EGFL7: variants seen among roughly 807,000 people sequenced by gnomAD.
EGFL7 encodes the protein epidermal growth factor-like protein 7.
EGFL7 carries 48 observed loss-of-function variants against 37.1 expected under a neutral mutation model. That is an observed-to-expected ratio of 1.29 (90% CI 1.03 to 1.65). The LOEUF (loss-of-function observed/expected upper bound fraction) is 1.65. Ranked by LOEUF, EGFL7 falls within the 40% of genes most tolerant of loss-of-function variation. The pLI, the probability that EGFL7 is intolerant of heterozygous loss-of-function variation, is 0.00. For synonymous variants in EGFL7, 180 were observed against 156.8 expected, an observed-to-expected ratio of 1.15 and a Z score of -1.10; for missense variants, 384 against 378.9, an observed-to-expected ratio of 1.01 and a Z score of -0.11.
Position 136,671,018 on chromosome 9 carries a change from A to T in EGFL7, c.636+4A>T, listed in dbSNP as rs1588248538. 8 of 340,314 alleles carry T rather than the reference A, an allele frequency of 2.4e-5. No homozygotes were observed. Among genetic ancestry groups the T allele is most frequent in the African/African-American group, 1.0e-4 (1 of 9,568 alleles). The allele number at this position is 340,314 out of a possible 1,614,324, so 21.1% of individuals were successfully genotyped here. On this transcript the variant is annotated splice_donor_region_variant and intron_variant, in intron 9 of 10. Coordinates refer to ENST00000308874, the MANE Select transcript of EGFL7 (RefSeq NM_016215.5). ...CAGGGTGGACCTGCTGGAGGAGGTG[A>T]GGCATTGGTGGGGGGGGGGGGGGGC...
chr9:136,670,828 G>T, intron 8 of EGFL7, 122 bp from the exon 9 acceptor site: 1 of 933,690 alleles, frequency 1.1e-6, no homozygotes, highest in Non-Finnish European at 1.7e-6. Flanking sequence ...GGCAGGCAGC[G>T]GGGGCGGCAG....
rs1845240761 is a variant in EGFL7 at position 136,663,010 on chromosome 9, GCCAGTGGGCCTGAGGCC to G, written c.-446_-430del. 1 of 152,408 alleles carries G rather than the reference GCCAGTGGGCCTGAGGCC, an allele frequency of 6.6e-6. No individual in the cohort carries two copies. The highest frequency in any genetic ancestry group is 1.5e-5 in the Non-Finnish European group (1 of 68,156). 9.4% of individuals were successfully genotyped at this position (152,408 alleles called of 1,614,324 possible). The stretch of plus-strand genomic sequence containing the variant: ...GGGCCTCAGGAGGTGCCTCCAGGCG[GCCAGTGGGCCTGAGGCC>G]CCAGCAAGGGCTAGGGTCCATCTCC... On this transcript the variant is annotated 5_prime_UTR_variant, in exon 1 of 11. Transcript: ENST00000308874.
rs1845278738 is a variant in EGFL7, at chr9:136,663,578, A to G, written c.-182A>G. ...GGGGAACTGGCCCCGAGGGAGAGGA[A>G]CCCCAAAGCCACATCTGTAGCCAGG... On this transcript the variant is annotated 5_prime_UTR_variant, in exon 2 of 11. Transcript: ENST00000308874. The G allele has an allele frequency of 2.0e-5, 3 of 152,144 alleles. No individual in the cohort carries two copies. Among genetic ancestry groups the G allele is most frequent in the Admixed American group, 2.0e-4 (3 of 15,280 alleles). 9.4% of individuals were successfully genotyped at this position (152,144 alleles called of 1,614,324 possible). A position where few individuals can be genotyped will look rare whatever the true frequency, so the allele number is the denominator to read the frequency against.
chr9:136,669,987 G>A lies in EGFL7; in HGVS notation c.387G>A (p.Trp129Ter), dbSNP rs1456081423. ...QPGRCRCPAGWRGDTCQSDVD... is the reference protein window; with the variant it reads ...QPGRCRCPAG ...GCCGCTGCCGCTGCCCTGCAGGATG[G>A]CGGGGTGACACTTGCCAGTCAGGTG... Residue 129 changes from tryptophan (W) to a stop codon, truncating the protein, a stop_gained, in exon 7 of 11, where the codon TGG becomes TGA. Coordinates refer to ENST00000308874, the MANE Select transcript of EGFL7 (RefSeq NM_016215.5). LOFTEE classifies it high-confidence loss of function. 2 of 1,600,844 alleles carry A rather than the reference G, an allele frequency of 1.2e-6. No homozygotes were observed. Among genetic ancestry groups the A allele is most frequent in the East Asian group, 4.5e-5 (2 of 44,608 alleles).
At chr9:136,670,878 G>A (rs1845809926) in intron 8 of EGFL7, 72 bp from the exon 9 acceptor site, 5 of 1,408,736 alleles carry the variant, frequency 3.5e-6, no homozygotes, top group Non-Finnish European at 3.9e-6. Flanking sequence ...CTCTCCCTGG[G>A]GACAGGAGGG....
intron 3 of EGFL7, among the ~76,000 whole-genome samples, chr9:136,667,973 T>C (rs904129433): frequency 6.6e-6 from 1 of 152,140 alleles, no homozygotes; most frequent in African/African-American, 2.4e-5. Context: ...CCCAGCAGGA[T>C]CCACTCGATT....
intron 4 of EGFL7, 34 bp downstream of exon 4, chr9:136,668,396 G>A (rs113681795): frequency 2.6e-6 from 4 of 1,545,394 alleles, no homozygotes; most frequent in Middle Eastern, 1.8e-4. Flanking sequence ...GTGCTGGGGT[G>A]GGGGGACCGG....
chr9:136,658,966 C>G (rs932503297), upstream of EGFL7: 5 of 151,106 alleles, frequency 3.3e-5, no homozygotes, highest in African/African-American at 1.2e-4. Flanking sequence ...CGGGAGCGGC[C>G]AGGGGAAGGG....
At chr9:136,665,316 C>T (rs550653025) in intron 3 of EGFL7, among the ~76,000 whole-genome samples, 112 of 152,352 alleles carry the variant, frequency 7.4e-4, no homozygotes, top group African/African-American at 2.6e-3. Flanking sequence ...ATGCCCACTG[C>T]CTGCGAGGCT....
rs771363151 is a variant in EGFL7, at chr9:136,668,360, C to G, written c.78C>G (p.Pro26=). 1 of 1,596,046 alleles carries G rather than the reference C, an allele frequency of 6.3e-7. No homozygotes were observed. The highest frequency in any genetic ancestry group is 2.2e-5 in the East Asian group (1 of 44,602). ...AVGGTEHAYR[P]GRRVCAVRAH... is the part of the protein sequence containing the mutation. ...GCGGCACAGAGCACGCCTACCGGCC[C>G]GGGTGAGCCAAGCCCTAGCCTGGGA... Residue 26 remains proline, a splice_region_variant and synonymous_variant, in exon 4 of 11, where the codon CCC becomes CCG. Coordinates refer to ENST00000308874, the MANE Select transcript of EGFL7 (RefSeq NM_016215.5).
rs772643971 is a variant in EGFL7, at chr9:136,671,963, C to T, written c.674C>T (p.Ala225Val). The T allele has an allele frequency of 9.1e-6, 14 of 1,536,740 alleles. No homozygotes were observed. Among genetic ancestry groups the T allele is most frequent in the Middle Eastern group, 2.1e-4 (1 of 4,734 alleles). The change falls in exon 10 of 11, where the codon GCC becomes GTC. Residue 225 changes from alanine to valine, a missense_variant. By Grantham distance (64) the Ala-to-Val change is moderately conservative (BLOSUM62 0). Coordinates refer to ENST00000308874, the MANE Select transcript of EGFL7 (RefSeq NM_016215.5). ...GTGCTGGCCCCACTGCACAGCCTGG[C>T]CTCGCAGGCACTGGAGCATGGGCTC... ...QLVLAPLHSL[A>V]SQALEHGLPD...
At chr9:136,668,153 TG>T in intron 3 of EGFL7, 87 bp from the exon 4 acceptor site, 2 of 720,860 alleles carry the variant, frequency 2.8e-6, no homozygotes, top group Non-Finnish European at 2.3e-6. Context: ...GGAGATGAGC[TG>T]GGCAGGCCTC....
intron 5 of EGFL7, among the ~76,000 whole-genome samples, chr9:136,669,146 C>G (rs1202384534): frequency 1.3e-5 from 2 of 152,192 alleles, no homozygotes; most frequent in Non-Finnish European, 1.5e-5. Context: ...GGCACACACC[C>G]CTAAGTCTCA....
intron 5 of EGFL7, among the ~76,000 whole-genome samples, chr9:136,669,081 C>T (rs539721578): frequency 6.6e-5 from 10 of 152,318 alleles, no homozygotes; most frequent in African/African-American, 1.7e-4. Flanking sequence ...CTCCACATGA[C>T]GGCCCCCAGT....
At chr9:136,662,171 C>T (rs1845189421), upstream of EGFL7, among the ~76,000 whole-genome samples, 2 of 152,212 alleles carry the variant, frequency 1.3e-5, no homozygotes, top group Non-Finnish European at 2.9e-5. Flanking sequence ...ACACCCCCGG[C>T]CGCAGCCTGC....
intron 3 of EGFL7, among the ~76,000 whole-genome samples, 200 bp from the exon 4 acceptor site, chr9:136,668,041 A>G (rs1845586663): frequency 6.6e-6 from 1 of 152,140 alleles, no homozygotes; most frequent in Non-Finnish European, 1.5e-5. Flanking sequence ...CTGTGGCCCC[A>G]GCTGTTTGTG....
rs201787878 is a variant in EGFL7, at chr9:136,672,324, C to T, written c.*38C>T. Reference sequence around the variant, plus strand: ...CCAGGCTGGACTGAGCCCCTCACGCCGCCCTGCAGCCCCCATGCCCCTGCC... The same window carrying T: ...CCAGGCTGGACTGAGCCCCTCACGCTGCCCTGCAGCCCCCATGCCCCTGCC... On this transcript the variant is annotated 3_prime_UTR_variant, in exon 11 of 11. Transcript: ENST00000308874. The T allele has an allele frequency of 5.3e-5, 86 of 1,612,682 alleles. No homozygotes were observed. Among genetic ancestry groups the T allele is most frequent in the East Asian group, 1.6e-4 (7 of 44,892 alleles).
In EGFL7 at chr9:136,669,678, C is replaced by T. The variant is rs753178651; in HGVS notation, c.270C>T (p.Pro90=). ...CCAGGCCTCGCTACGCGTGCTGCCC[C>T]GGCTGGAAGAGGACCAGCGGGCTTC... The part of the protein sequence containing the change: ...APARPRYACC[P]GWKRTSGLPG... Residue 90 remains proline (P), a synonymous_variant, in exon 6 of 11, where the codon CCC becomes CCT. Transcript: ENST00000308874. 7.3e-5 allele frequency: 117 copies of T among 1,608,008 alleles called. No homozygotes were observed. The highest frequency in any genetic ancestry group is 1.7e-4 in the South Asian group (15 of 89,926).
upstream of EGFL7, among the ~76,000 whole-genome samples, chr9:136,662,746 G>A (rs1845223758): frequency 6.6e-6 from 1 of 152,050 alleles, no homozygotes; most frequent in African/African-American, 2.4e-5. Context: ...TGGGCAGTTT[G>A]TCCAGGCCCC....
Sources: gnomAD v4.1 joint callset for allele counts (sites outside exome capture counted in the v4.1 genomes callset) on GRCh38, gnomAD v4.1.1 for gene constraint, MANE v1.5 for transcripts, NCBI Gene and HGNC (gene_info 2026-07-23, HGNC 2026-07-21) for gene names.